The following ADD2 variants were observed in gnomAD, a reference collection of about 807,000 sequenced individuals.
The protein encoded by ADD2 is adducin 2.
In ADD2, 23 loss-of-function variants were observed where a neutral mutation model predicts 83.0. The observed-to-expected ratio is 0.28, with a 90% CI of 0.20 to 0.39. The LOEUF is 0.39. ADD2 is among the 10% of genes least tolerant of loss of function. The pLI, the probability that ADD2 is intolerant of heterozygous loss-of-function variation, is 1.00. For missense variants in ADD2, 758 were observed against 944.9 expected, an observed-to-expected ratio of 0.80 and a Z score of 2.59; for synonymous variants, 375 against 375.4, an observed-to-expected ratio of 1.00 and a Z score of 0.01.
intron 1 of ADD2, among the ~76,000 whole-genome samples, chr2:70,716,890 C>A (rs1672496635): frequency 6.6e-6 from 1 of 152,128 alleles, no homozygotes; most frequent in African/African-American, 2.4e-5. Context: ...TGAGACAGAA[C>A]CCAGCAACAG....
chr2:70,761,226 A>ATTT (rs377105152), intron 1 of ADD2, among the ~76,000 whole-genome samples: 30 of 122,838 alleles, frequency 2.4e-4, no homozygotes, highest in South Asian at 4.7e-4. Context: ...AGCATGCATT[A>ATTT]CTTTTTTTTT....
chr2:70,727,377 C>T (rs1427366389), intron 1 of ADD2, among the ~76,000 whole-genome samples: 1 of 152,124 alleles, frequency 6.6e-6, no homozygotes, highest in African/African-American at 2.4e-5. Flanking sequence ...TTCCATTCCC[C>T]AACGCCTAAT....
chr2:70,726,684 G>T (rs73939923), intron 1 of ADD2, among the ~76,000 whole-genome samples: 4,994 of 152,260 alleles, frequency 0.033, 244 homozygotes, highest in African/African-American at 0.1. Flanking sequence ...AAAAACACTT[G>T]ATCCAAAAAG....
rs13306100 is a variant in ADD2, at chr2:70,704,474, G to A, written c.184-15C>T. On this transcript the variant is annotated splice_polypyrimidine_tract_variant and intron_variant, in intron 3 of 15. Transcript: ENST00000264436. ...TCCCTGAAAGACTGAAGCAGGCCCC[G>A]AGGTGCTTGTCCCCCCACAGCCTCT... 1.5e-4 allele frequency: 249 copies of A among 1,613,172 alleles called. 2 individuals carry two copies. The highest frequency in any genetic ancestry group is 1.9e-4 in the Non-Finnish European group (229 of 1,179,734).
intron 15 of ADD2, among the ~76,000 whole-genome samples, chr2:70,664,914 G>T (rs1675709268): frequency 6.6e-6 from 1 of 152,092 alleles, no homozygotes; most frequent in South Asian, 2.1e-4. Context: ...GTGTGGGAGT[G>T]AGCGTTTACA....
intron 1 of ADD2, among the ~76,000 whole-genome samples, chr2:70,718,707 G>A (rs1366990001): frequency 2.6e-5 from 4 of 152,234 alleles, no homozygotes; most frequent in African/African-American, 9.6e-5. Flanking sequence ...TTTCGGGAGA[G>A]GAAATTGAGG....
At chr2:70,671,046 T>C (rs1230692798) in intron 15 of ADD2, among the ~76,000 whole-genome samples, 29 of 152,176 alleles carry the variant, frequency 1.9e-4, no homozygotes, top group Admixed American at 1.9e-3. Flanking sequence ...CACTCCTCCA[T>C]GAGCCTCCTC....
In ADD2 at chr2:70,706,070, A is replaced by G. The variant is rs1263607354; in HGVS notation, c.183+156T>C. Among the ~76,000 whole-genome samples, 2 of 152,194 alleles carry G rather than the reference A, an allele frequency of 1.3e-5. No individual in the cohort carries two copies. The highest frequency in any genetic ancestry group is 4.8e-5 in the African/African-American group (2 of 41,456). On this transcript the variant is annotated intron_variant, in intron 3 of 15. Transcript: ENST00000264436. This position sits in a 1 kb window ranked among gnomAD's most constrained non-coding sequence, Gnocchi z 5.0. ...TCCACCAGTTACAAGGGAGAGTGTC[A>G]AGGCCCCAGGTGACCAGATCCGTCT...
intron 15 of ADD2, among the ~76,000 whole-genome samples, chr2:70,671,588 T>A (rs1669897618): frequency 6.6e-6 from 1 of 152,164 alleles, no homozygotes; most frequent in South Asian, 2.1e-4. Context: ...GTATTCAGAA[T>A]CGGAGGAAAC....
At chr2:70,669,166 A>G (rs190471964) in intron 15 of ADD2, among the ~76,000 whole-genome samples, 97 of 152,332 alleles carry the variant, frequency 6.4e-4, no homozygotes, top group African/African-American at 2.2e-3. Context: ...TGAGCTGCCC[A>G]TGGCCGACCA....
Position 70,676,924 on chromosome 2 carries a change from C to T in ADD2, c.1504-39G>A, listed in dbSNP as rs782561029. ...GGAGAGGAAGAGTGAGCTGGCTGTT[C>T]AGGGTCAGCGTGGAGTTTGGGAGGG... On this transcript the variant is annotated intron_variant, in intron 12 of 15. Transcript: ENST00000264436. The surrounding 1 kb of genome is among the most constrained non-coding windows in gnomAD (Gnocchi z 4.8). 5 of 1,600,668 alleles carry T rather than the reference C, an allele frequency of 3.1e-6. No individual in the cohort carries two copies. The highest frequency in any genetic ancestry group is 3.4e-6 in the Non-Finnish European group (4 of 1,170,914).
chr2:70,740,836 C>T (rs781928979), intron 1 of ADD2, among the ~76,000 whole-genome samples: 2 of 152,108 alleles, frequency 1.3e-5, no homozygotes, highest in East Asian at 1.9e-4. Context: ...AGTAGCTGAG[C>T]GTACAGGCGT....
chr2:70,668,384 C>T (rs1669765367), intron 15 of ADD2, among the ~76,000 whole-genome samples: 1 of 152,218 alleles, frequency 6.6e-6, no homozygotes, highest in South Asian at 2.1e-4. Context: ...CTGGCTCAAG[C>T]CACACTGCAT....
At chr2:70,733,239 T>C (rs1300299631) in intron 1 of ADD2, among the ~76,000 whole-genome samples, 2 of 152,228 alleles carry the variant, frequency 1.3e-5, no homozygotes, top group Non-Finnish European at 2.9e-5. Context: ...AGATGTAAAA[T>C]CACTGCTGGC....
chr2:70,672,916 G>T lies in ADD2; in HGVS notation c.1832C>A (p.Thr611Lys), dbSNP rs140129786. 3.1e-6 allele frequency: 5 copies of T among 1,613,368 alleles called. No individual in the cohort carries two copies. Among genetic ancestry groups the T allele is most frequent in the Non-Finnish European group, 3.4e-6 (4 of 1,179,854 alleles). Residue 611 changes from threonine (T) to lysine (K), a missense_variant, in exon 15 of 16, where the codon ACA (threonine) becomes AAA (lysine). Coordinates refer to ENST00000264436, the MANE Select transcript of ADD2 (RefSeq NM_001617.4). Reference sequence around the variant, plus strand: ...GGAAGGAGAGACTAAAGGGCTCTTTGTCTCTGCCTCCTTCGCTGGGCTCTG... The same window carrying T: ...GGAAGGAGAGACTAAAGGGCTCTTTTTCTCTGCCTCCTTCGCTGGGCTCTG... ...PVQSPAKEAE[T>K]KSPLVSPSKS...
intron 1 of ADD2, among the ~76,000 whole-genome samples, chr2:70,744,207 G>A (rs887773935): frequency 4.3e-4 from 65 of 152,220 alleles, no homozygotes; most frequent in African/African-American, 1.5e-3. Flanking sequence ...TAGATAGTAG[G>A]ATTGTACCAA....
intron 1 of ADD2, among the ~76,000 whole-genome samples, chr2:70,736,362 G>A (rs548814449): frequency 5.3e-5 from 8 of 152,260 alleles, no homozygotes; most frequent in African/African-American, 1.7e-4. Flanking sequence ...ACACAGCACC[G>A]GTTAACTGGG....
chr2:70,667,254 A>G (rs1558517007), intron 15 of ADD2, among the ~76,000 whole-genome samples: 1 of 152,058 alleles, frequency 6.6e-6, no homozygotes, highest in Non-Finnish European at 1.5e-5. Context: ...GGCTCTGTCC[A>G]AGGATGGTGA....
At chr2:70,763,759 T>C (rs1173817048) in intron 1 of ADD2, among the ~76,000 whole-genome samples, 2 of 152,006 alleles carry the variant, frequency 1.3e-5, no homozygotes, top group Non-Finnish European at 2.9e-5. Flanking sequence ...TATATTATTA[T>C]AGGAAATTGA....
Sources: allele counts gnomAD v4.1 joint callset (sites outside exome capture counted in the v4.1 genomes callset), GRCh38; gene constraint gnomAD v4.1.1; non-coding constraint Gnocchi (gnomAD v3.1); transcripts MANE v1.5; gene names NCBI Gene and HGNC (gene_info 2026-07-23, HGNC 2026-07-21).